The following NSD2 variants were observed in gnomAD, a reference collection of about 807,000 sequenced individuals.
The protein encoded by NSD2 is histone-lysine N-methyltransferase NSD2.
A neutral mutation model predicts 139.0 loss-of-function variants in NSD2; 12 were observed. That is an observed-to-expected ratio of 0.09 (90% confidence interval 0.06 to 0.14). NSD2 has a LOEUF of 0.14. NSD2 is among the 10% of genes least tolerant of loss of function. NSD2 has a pLI of 1.00. For missense variants in NSD2, 1,155 were observed against 1,745.0 expected (o/e 0.66, Z 6.02); for synonymous variants, 669 against 648.7 (o/e 1.03, Z -0.48).
chr4:1,965,051 C>CAAAAAAAAAAAAAAA (rs555374240), intron 18 of NSD2, among the ~76,000 whole-genome samples: 1 of 47,152 alleles, frequency 2.1e-5, no homozygotes, highest in Non-Finnish European at 3.8e-5. Context: ...CAGTGTTCAG[C>CAAAAAAAAAAAAAAA]AAAAAAAAAA....
chr4:1,955,600 T>A lies in NSD2; in HGVS notation c.2519-93T>A, dbSNP rs1329407776. On this transcript the variant is annotated intron_variant, in intron 13 of 21. Coordinates refer to ENST00000508803, the MANE Select transcript of NSD2 (RefSeq NM_001042424.3). This position sits in a 1 kb window ranked among gnomAD's most constrained non-coding sequence, Gnocchi z 4.7. ...TGTTTTAAAACTGATGTTTATAAGT[T>A]AAGGCTGTAATAAGTGTAGACTGTG... 2.1e-6 allele frequency: 3 copies of A among 1,428,538 alleles called. No individual in the cohort carries two copies. The highest frequency in any genetic ancestry group is 2.8e-6 in the Non-Finnish European group (3 of 1,078,490). 88.5% of individuals were successfully genotyped at this position (1,428,538 alleles called of 1,614,324 possible).
chr4:1,872,617 A>AGAGAGAGAGAGC (rs1713926526), intron 1 of NSD2, among the ~76,000 whole-genome samples: 1 of 145,846 alleles, frequency 6.9e-6, no homozygotes, highest in Non-Finnish European at 1.5e-5. Context: ...AGAGAGAGAG[A>AGAGAGAGAGAGC]GAGAGAGAGA....
intron 7 of NSD2, among the ~76,000 whole-genome samples, chr4:1,936,102 C>A (rs777256130): frequency 6.6e-6 from 1 of 152,198 alleles, no homozygotes; most frequent in African/African-American, 2.4e-5. Flanking sequence ...AGCATAGATA[C>A]AAAGCCAGCC....
At chr4:1,975,107 G>C (rs961344576) in intron 19 of NSD2, 103 bp downstream of exon 19, 45 of 1,554,634 alleles carry the variant, frequency 2.9e-5, no homozygotes, top group Non-Finnish European at 3.9e-5. Context: ...TGGGGGAGGT[G>C]GGTGCTGATG....
At position 1,918,292 on chromosome 4, in the gene NSD2, C is replaced by T. The variant is rs1166527461; in HGVS notation, c.1079C>T (p.Ala360Val). 2.5e-6 allele frequency: 4 copies of T among 1,613,852 alleles called. No individual in the cohort carries two copies. Among genetic ancestry groups the T allele is most frequent in the Admixed American group, 1.7e-5 (1 of 59,966 alleles). ...CAGCTTCATCTCAACCCTCAAGTAG[C>T]CAAGGAGGCTGGCATTGCTGCAGAG... ...GDQLHLNPQV[A>V]KEAGIAAESL... Residue 360 changes from alanine (A) to valine (V), a missense_variant, in exon 5 of 22, where the codon GCC (alanine) becomes GTC (valine). Ala to Val is a moderately conservative substitution (Grantham distance 64, BLOSUM62 0). Around this residue, in one of 8 missense-constraint regions of NSD2, gnomAD observed 420 missense variants for 469.0 expected, o/e 0.90. Coordinates refer to ENST00000508803, the MANE Select transcript of NSD2 (RefSeq NM_001042424.3).
chr4:1,965,995 T>C (rs1725847420), intron 18 of NSD2, among the ~76,000 whole-genome samples: 1 of 152,138 alleles, frequency 6.6e-6, no homozygotes, highest in Non-Finnish European at 1.5e-5. Context: ...TCAATGAGAT[T>C]ATCAGCAAAT....
At chr4:1,966,592 A>G (rs1560788027) in intron 18 of NSD2, among the ~76,000 whole-genome samples, 1 of 151,340 alleles carries the variant, frequency 6.6e-6, no homozygotes, top group Non-Finnish European at 1.5e-5. Flanking sequence ...GGGAGGCGGA[A>G]CTTGCAGTGA....
chr4:1,903,621 G>A (rs867176100), intron 2 of NSD2, among the ~76,000 whole-genome samples: 7 of 151,974 alleles, frequency 4.6e-5, no homozygotes, highest in Admixed American at 2.6e-4. Context: ...ATTAAAGACC[G>A]TCTATTAATA....
chr4:1,936,238 G>C (rs1326154305), intron 7 of NSD2, among the ~76,000 whole-genome samples: 1 of 152,226 alleles, frequency 6.6e-6, no homozygotes, highest in Non-Finnish European at 1.5e-5. Context: ...TGGTGCCCAT[G>C]CATGTAGAAG....
chr4:1,972,488 G>A lies in NSD2; in HGVS notation c.3373-2375G>A, dbSNP rs185582919. Among the ~76,000 whole-genome samples, 2 of 152,368 alleles carry A rather than the reference G, an allele frequency of 1.3e-5. No homozygotes were observed. Among genetic ancestry groups the A allele is most frequent in the African/African-American group, 4.8e-5 (2 of 41,594 alleles). The stretch of plus-strand genomic sequence containing the variant: ...AAGCCTTACTGTGGGAAGGGTGGGC[G>A]TGTCCTGGGGGTGACAGTGTTCCCC... On this transcript the variant is annotated intron_variant, in intron 18 of 21. Coordinates refer to ENST00000508803, the MANE Select transcript of NSD2 (RefSeq NM_001042424.3). The surrounding 1 kb of genome is among the most constrained non-coding windows in gnomAD (Gnocchi z 4.0).
chr4:1,892,706 T>A (rs1715685474), intron 1 of NSD2: 1 of 151,986 alleles, frequency 6.6e-6, no homozygotes, highest in African/African-American at 2.4e-5. Context: ...GTAGCTGGGA[T>A]TATAGGCGTG....
At position 1,981,899 on chromosome 4, in the gene NSD2, A is replaced by AC. The variant is rs1727804271; in HGVS notation, c.*2992dup. 1 of 398,652 alleles carries AC rather than the reference A, an allele frequency of 2.5e-6. No individual in the cohort carries two copies. The highest frequency in any genetic ancestry group is 4.4e-6 in the Non-Finnish European group (1 of 226,072). 24.7% of individuals were successfully genotyped at this position (398,652 alleles called of 1,614,324 possible). On this transcript the variant is annotated 3_prime_UTR_variant, in exon 22 of 22. Transcript: ENST00000508803. ...TGTGTCCACGGGGTGTCACAGCCTC[A>AC]CCATACCCTGTTGAGGTGTGAAATG... is the stretch of plus-strand genomic sequence containing the variant.
chr4:1,970,615 G>A (rs978779640), intron 18 of NSD2, among the ~76,000 whole-genome samples: 11 of 152,294 alleles, frequency 7.2e-5, no homozygotes, highest in Non-Finnish European at 1.3e-4. Context: ...CCCCAACACC[G>A]GCGAGCCAGA....
intron 5 of NSD2, among the ~76,000 whole-genome samples, chr4:1,919,351 T>C (rs1013843888): frequency 3.9e-5 from 6 of 152,136 alleles, no homozygotes; most frequent in African/African-American, 7.2e-5. Context: ...CCACTGGCAC[T>C]GAGGGTGTTG....
At chr4:1,880,451 T>A (rs1013505096) in intron 1 of NSD2, among the ~76,000 whole-genome samples, 3 of 152,170 alleles carry the variant, frequency 2.0e-5, no homozygotes, top group Non-Finnish European at 4.4e-5. Flanking sequence ...AGTGTACTTC[T>A]GCCTGATATT....
chr4:1,966,218 T>C (rs1302367433), intron 18 of NSD2, among the ~76,000 whole-genome samples: 1 of 152,134 alleles, frequency 6.6e-6, no homozygotes. Context: ...AGAAGTCTTG[T>C]AGGTTGAAAT....
rs373762613 is a variant in NSD2, at chr4:1,978,918, G to A, written c.*9G>A. On this transcript the variant is annotated 3_prime_UTR_variant, in exon 22 of 22. Coordinates refer to ENST00000508803, the MANE Select transcript of NSD2 (RefSeq NM_001042424.3). Reference sequence around the variant, plus strand: ...TCACAGAGGGCAAATAGCGCCAGGCGGCCGCTTGGCCGGATCCAGGGGCGG... The same window carrying A: ...TCACAGAGGGCAAATAGCGCCAGGCAGCCGCTTGGCCGGATCCAGGGGCGG... The A allele has an allele frequency of 1.2e-3, 1,832 of 1,488,286 alleles. 1 individual carries two copies. The highest frequency in any genetic ancestry group is 1.5e-3 in the Admixed American group (65 of 42,226). 92.2% of individuals were successfully genotyped at this position (1,488,286 alleles called of 1,614,324 possible). A position where few individuals can be genotyped will look rare whatever the true frequency, so the allele number is the denominator to read the frequency against.
intron 2 of NSD2, among the ~76,000 whole-genome samples, chr4:1,903,623 C>G (rs891326857): frequency 5.3e-5 from 8 of 151,916 alleles, no homozygotes; most frequent in Admixed American, 4.6e-4. Context: ...TAAAGACCGT[C>G]TATTAATACT....
rs1474050757 is a variant in NSD2, at chr4:1,934,907, AT to A, written c.1556-236del. The stretch of plus-strand genomic sequence containing the variant: ...TATATATATATATATATATATATAT[AT>A]AAAAAACAGATAAAACAGATGCTAA... On this transcript the variant is annotated intron_variant, in intron 6 of 21. Transcript: ENST00000508803. 1.4e-4 allele frequency among the ~76,000 whole-genome samples: 18 copies of A among 132,898 alleles called. No individual in the cohort carries two copies. In the East Asian group the frequency reaches 1.4e-3, roughly 11 times the overall value. 87.2% of individuals were successfully genotyped at this position (132,898 alleles called of 152,430 possible). A position where few individuals can be genotyped will look rare whatever the true frequency, so the allele number is the denominator to read the frequency against.
Sources: allele counts gnomAD v4.1 joint callset (sites outside exome capture counted in the v4.1 genomes callset), GRCh38; gene constraint gnomAD v4.1.1; regional missense constraint gnomAD v4.1.1; non-coding constraint Gnocchi (gnomAD v3.1); transcripts MANE v1.5; gene names NCBI Gene and HGNC (gene_info 2026-07-23, HGNC 2026-07-21).